Variants in CDC20B observed in about 807,000 individuals in gnomAD.
CDC20B encodes the protein cell division cycle 20B.
CDC20B carries 58 observed loss-of-function variants against 64.1 expected under a neutral mutation model. The observed-to-expected ratio is 0.90, with a 90% CI of 0.73 to 1.13. The LOEUF (loss-of-function observed/expected upper bound fraction) is 1.13. Among genes scored for constraint, CDC20B ranks in the 50% most tolerant of loss-of-function variants. CDC20B has a pLI of 0.00. For missense variants in CDC20B, 597 were observed against 633.0 expected, an observed-to-expected ratio of 0.94 and a Z score of 0.61; for synonymous variants, 243 against 230.6, an observed-to-expected ratio of 1.05 and a Z score of -0.49.
At position 55,166,487 on chromosome 5, in the gene CDC20B, A is replaced by G. The variant is rs559176259; in HGVS notation, c.126+6101T>C. 8 of 152,312 alleles carry G rather than the reference A, an allele frequency of 5.3e-5. No homozygotes were observed. The East Asian group carries it at 1.5e-3, about 29-fold the overall frequency. The allele number at this position is 152,312 out of a possible 1,614,324, so 9.4% of individuals were successfully genotyped here. A position where few individuals can be genotyped will look rare whatever the true frequency, so the allele number is the denominator to read the frequency against. On this transcript the variant is annotated intron_variant, in intron 2 of 11. Coordinates refer to ENST00000381375, the MANE Select transcript of CDC20B (RefSeq NM_001170402.1). ...TACATATTGCCTTGAAAGAAAGGACATTCAGGTGTCCCTTCGGGGTTCTGT... is the reference window on the plus strand; with the variant it reads ...TACATATTGCCTTGAAAGAAAGGACGTTCAGGTGTCCCTTCGGGGTTCTGT...
intron 4 of CDC20B, among the ~76,000 whole-genome samples, chr5:55,141,638 C>T (rs1197926366): frequency 2.0e-5 from 3 of 152,206 alleles, no homozygotes; most frequent in African/African-American, 7.2e-5. Context: ...TGGGTCCCCA[C>T]GGTTCAGACA....
intron 1 of CDC20B, 59 bp from the exon 2 acceptor site, chr5:55,172,709 G>T: frequency 7.6e-7 from 1 of 1,315,190 alleles, no homozygotes; most frequent in South Asian, 1.2e-5. Context: ...CATAATTTCA[G>T]GTGTGGAATT....
chr5:55,172,102 C>A (rs573661006), intron 2 of CDC20B, among the ~76,000 whole-genome samples: 1 of 152,278 alleles, frequency 6.6e-6, no homozygotes, highest in African/African-American at 2.4e-5. Flanking sequence ...TCCTTTTACA[C>A]TGATTACAGG....
intron 11 of CDC20B, among the ~76,000 whole-genome samples, chr5:55,115,137 CA>C (rs563412100): frequency 6.6e-6 from 1 of 151,982 alleles, no homozygotes; most frequent in African/African-American, 2.4e-5. Context: ...GAAAAAGGAC[CA>C]AAAAAGCTCT....
intron 11 of CDC20B, among the ~76,000 whole-genome samples, chr5:55,119,363 A>G (rs1742701933): frequency 6.6e-6 from 1 of 152,194 alleles, no homozygotes; most frequent in African/African-American, 2.4e-5. Context: ...AACGAAGCTG[A>G]GAAGAGTAGT....
intron 2 of CDC20B, among the ~76,000 whole-genome samples, chr5:55,148,663 A>C (rs954298929): frequency 1.2e-4 from 19 of 152,220 alleles, no homozygotes; most frequent in African/African-American, 4.3e-4. Flanking sequence ...GCGCTGCTGC[A>C]CTCCAGCCTG....
chr5:55,147,631 T>A (rs944706222), intron 2 of CDC20B, among the ~76,000 whole-genome samples: 2 of 151,468 alleles, frequency 1.3e-5, no homozygotes, highest in Non-Finnish European at 2.9e-5. Flanking sequence ...AAAATAGATA[T>A]ATATTTCTTC....
intron 6 of CDC20B, 89 bp downstream of exon 6, chr5:55,133,323 C>G: frequency 1.7e-6 from 1 of 584,676 alleles, no homozygotes; most frequent in Non-Finnish European, 2.9e-6. Context: ...TAAAGGCCAT[C>G]TGGTTTAATC....
At position 55,114,255 on chromosome 5, in the gene CDC20B, G is replaced by C; in HGVS notation, c.1523C>G (p.Ala508Gly). 1 of 1,613,926 alleles carries C rather than the reference G, an allele frequency of 6.2e-7. No homozygotes were observed. Among genetic ancestry groups the C allele is most frequent in the Non-Finnish European group, 8.5e-7 (1 of 1,179,864 alleles). Residue 508 changes from alanine to glycine, a missense_variant, in exon 12 of 12, where the codon GCA (alanine) becomes GGA (glycine). This residue lies in a region of CDC20B where 353 missense variants were observed against 397.0 expected (regional missense o/e 0.89). Coordinates refer to ENST00000381375, the MANE Select transcript of CDC20B (RefSeq NM_001170402.1). This position sits in a 1 kb window ranked among gnomAD's most constrained non-coding sequence, Gnocchi z 4.1. ...CCATACAGAGGCCGTCCCATCAGCT[G>C]CAGCAGAAAACACCCGGGTCTGGTC... ...SPDQTRVFSAAADGTASVWNC... is the reference protein window; with the variant it reads ...SPDQTRVFSAGADGTASVWNC...
chr5:55,156,009 G>T (rs138988848), intron 2 of CDC20B, among the ~76,000 whole-genome samples: 19 of 152,278 alleles, frequency 1.2e-4, no homozygotes, highest in African/African-American at 3.4e-4. Context: ...CATACCTGAG[G>T]CTGGGTAATT....
At chr5:55,166,642 T>C (rs939878863) in intron 2 of CDC20B, 1 of 152,206 alleles carries the variant, frequency 6.6e-6, no homozygotes, top group Non-Finnish European at 1.5e-5. Context: ...CTTTCCTATA[T>C]TGGACAATCT....
At chr5:55,130,846 C>A (rs1242595500) in intron 6 of CDC20B, among the ~76,000 whole-genome samples, 1 of 152,184 alleles carries the variant, frequency 6.6e-6, no homozygotes, top group Non-Finnish European at 1.5e-5. Context: ...ACAGGCCAGA[C>A]ACAGTGTCTC....
chr5:55,146,743 A>G lies in CDC20B; in HGVS notation c.240T>C (p.Ser80=). Residue 80 remains serine, a synonymous_variant, in exon 3 of 12, where the codon AGT becomes AGC. Coordinates refer to ENST00000381375, the MANE Select transcript of CDC20B (RefSeq NM_001170402.1). ...SSPITTRWQQ[S]QTRALSSDSF... ...AATCAGAGGACAGAGCCCTAGTTTG[A>G]CTTTGCTGCCACCTTGTGGTAATGG... The G allele has an allele frequency of 3.1e-6, 5 of 1,614,106 alleles. No homozygotes were observed. The highest frequency in any genetic ancestry group is 3.4e-6 in the Non-Finnish European group (4 of 1,180,026).
chr5:55,126,486 A>AATAAAAAAAAAAT, intron 8 of CDC20B: 1 of 284,032 alleles, frequency 3.5e-6, no homozygotes, highest in African/African-American at 2.4e-5. Flanking sequence ...AAAAAAAAAA[A>AATAAAAAAAAAAT]ACAGTCTTTG....
intron 1 of CDC20B, 85 bp from the exon 2 acceptor site, chr5:55,172,735 C>G (rs1008991997): frequency 2.2e-6 from 2 of 928,620 alleles, no homozygotes; most frequent in Non-Finnish European, 3.3e-6. Context: ...AGATCTTGTG[C>G]TTGTCAGATT....
At chr5:55,118,313 G>C (rs1306463912) in intron 11 of CDC20B, among the ~76,000 whole-genome samples, 1 of 152,134 alleles carries the variant, frequency 6.6e-6, no homozygotes, top group East Asian at 1.9e-4. Flanking sequence ...AAAAATGAGT[G>C]TCTAAGAGCT....
intron 3 of CDC20B, among the ~76,000 whole-genome samples, chr5:55,146,265 C>A (rs1240219909): frequency 6.6e-6 from 1 of 152,156 alleles, no homozygotes; most frequent in Non-Finnish European, 1.5e-5. Context: ...ATAAGGCGAA[C>A]TGAGCTGTAG....
chr5:55,149,548 C>T (rs1743600321), intron 2 of CDC20B, among the ~76,000 whole-genome samples: 1 of 152,226 alleles, frequency 6.6e-6, no homozygotes, highest in Non-Finnish European at 1.5e-5. Flanking sequence ...GTTGCTGATA[C>T]ATGTCATAAT....
chr5:55,161,901 T>G (rs1742044436), intron 2 of CDC20B, among the ~76,000 whole-genome samples: 1 of 152,162 alleles, frequency 6.6e-6, no homozygotes, highest in Admixed American at 6.5e-5. Context: ...CTACCTGGGT[T>G]CAAACCCCTG....
Sources: allele counts gnomAD v4.1 joint callset (sites outside exome capture counted in the v4.1 genomes callset), GRCh38; gene constraint gnomAD v4.1.1; regional missense constraint gnomAD v4.1.1; non-coding constraint Gnocchi (gnomAD v3.1); transcripts MANE v1.5; gene names NCBI Gene and HGNC (gene_info 2026-07-23, HGNC 2026-07-21).